Variants in DMD observed in about 807,000 individuals in gnomAD.
The protein encoded by DMD is mutant dystrophin.
Under a neutral mutation model 330.1 loss-of-function variants are expected in DMD, and 63 were observed. The observed-to-expected ratio is 0.19, with a 90% confidence interval of 0.16 to 0.24. The LOEUF (loss-of-function observed/expected upper bound fraction) is 0.24. Ranked by LOEUF, DMD falls within the 10% of genes least tolerant of loss-of-function variation. DMD has a pLI of 1.00. For synonymous variants in DMD, 1,223 were observed against 959.8 expected (o/e 1.27, Z -5.07); for missense variants, 3,344 against 2,684.1 (o/e 1.25, Z -5.43).
chrX:31,399,447 TG>T (rs1275534940), intron 60 of DMD, among the ~76,000 whole-genome samples: 1 of 45,087 alleles, frequency 2.2e-5, no homozygotes, highest in Non-Finnish European at 3.9e-5. Context: ...GGGGGGTGGG[TG>T]GGGGGTAATG....
intron 13 of DMD, among the ~76,000 whole-genome samples, chrX:32,594,553 C>G (rs1477412657): frequency 9.0e-6 from 1 of 111,420 alleles, no homozygotes; most frequent in African/African-American, 3.3e-5. Flanking sequence ...CTTCTAATTA[C>G]GTCTACCAGA....
At chrX:32,006,029 G>A (rs1461807689) in intron 44 of DMD, among the ~76,000 whole-genome samples, 1 of 111,226 alleles carries the variant, frequency 9.0e-6, no homozygotes, top group Non-Finnish European at 1.9e-5. Flanking sequence ...GACGGTGGGT[G>A]GGGTGCAGGT....
intron 54 of DMD, among the ~76,000 whole-genome samples, chrX:31,649,961 A>C (rs2080351254): frequency 9.1e-6 from 1 of 109,853 alleles, no homozygotes; most frequent in South Asian, 3.9e-4. Context: ...CTTTAAATTT[A>C]ATTTAATTTT....
intron 1 of DMD, among the ~76,000 whole-genome samples, chrX:33,082,269 A>G (rs1178777228): frequency 8.9e-6 from 1 of 112,174 alleles, no homozygotes; most frequent in Non-Finnish European, 1.9e-5. Flanking sequence ...AAATTCTTTT[A>G]GATCTCTTAT....
chrX:31,909,123 T>G (rs1357551599), intron 47 of DMD, among the ~76,000 whole-genome samples: 1 of 112,411 alleles, frequency 8.9e-6, no homozygotes, highest in Non-Finnish European at 1.9e-5. Context: ...TATTGGTTGG[T>G]TATCTTTTCC....
intron 7 of DMD, among the ~76,000 whole-genome samples, chrX:32,748,190 C>T (rs1465716201): frequency 9.2e-6 from 1 of 108,371 alleles, no homozygotes; most frequent in Admixed American, 9.9e-5. Context: ...TAAAAATACA[C>T]GAATTAGCCA....
chrX:32,918,781 C>T (rs998284865), intron 2 of DMD, among the ~76,000 whole-genome samples: 4 of 112,312 alleles, frequency 3.6e-5, no homozygotes, highest in African/African-American at 9.7e-5. Flanking sequence ...ATTCAATGTC[C>T]TGGCCCTTGA....
At chrX:32,205,962 G>T (rs111566311) in intron 44 of DMD, 6 of 408,201 alleles carry the variant, frequency 1.5e-5, no homozygotes, top group African/African-American at 1.2e-4. Flanking sequence ...ACTAAAGGCC[G>T]ACAAAGATGA....
rs182475374 is a variant in DMD, at chrX:32,399,420, A to T, written c.4234-9239T>A. ...ACTAATAATCTGATTAAAAATGGGCAAAATATCTGAATAGACTTTTTTTTG... is the reference window on the plus strand; with the variant it reads ...ACTAATAATCTGATTAAAAATGGGCTAAATATCTGAATAGACTTTTTTTTG... On this transcript the variant is annotated intron_variant, in intron 30 of 78. Transcript: ENST00000357033. Among the ~76,000 whole-genome samples the T allele has an allele frequency of 2.9e-3, 327 of 112,026 alleles. 2 individuals carry two copies. Among genetic ancestry groups the T allele is most frequent in the African/African-American group, 0.01 (320 of 30,899 alleles).
chrX:31,502,042 A>G (rs2070454952), intron 56 of DMD, among the ~76,000 whole-genome samples: 1 of 111,332 alleles, frequency 9.0e-6, no homozygotes, highest in Non-Finnish European at 1.9e-5. Flanking sequence ...TCTTCAACAA[A>G]TGGTGCGGAA....
rs1444427197 is a variant in DMD at position 31,121,941 on chromosome X, A to AAGAG, written c.11047-15_11047-12dup. The AAGAG allele has an allele frequency of 8.8e-7, 1 of 1,138,891 alleles. No homozygotes were observed. Among genetic ancestry groups the AAGAG allele is most frequent in the Non-Finnish European group, 1.2e-6 (1 of 830,413 alleles). The allele number at this position is 1,138,891 out of a possible 1,213,427, so 93.9% of individuals were successfully genotyped here. A position where few individuals can be genotyped will look rare whatever the true frequency, so the allele number is the denominator to read the frequency against. On this transcript the variant is annotated splice_polypyrimidine_tract_variant and intron_variant, in intron 78 of 78. Transcript: ENST00000357033. ...TTCCTACATTGTGTCCTGGAAAACA[A>AAGAG]AGAGAAAGAAAGACAGACTTTACAA...
chrX:31,348,527 T>C (rs989732914), intron 61 of DMD, 29 bp downstream of exon 61: 1 of 1,163,021 alleles, frequency 8.6e-7, no homozygotes, highest in African/African-American at 1.8e-5. Flanking sequence ...TGCAATAAAG[T>C]TAAGTGATAA....
rs747871149 is a variant in DMD at position 31,121,456 on chromosome X, GTGTT to G, written c.*459_*462del. On this transcript the variant is annotated 3_prime_UTR_variant, in exon 79 of 79. Transcript: ENST00000357033. Reference sequence around the variant, plus strand: ...TGTGTGTGTGTATGTGTGTGTGTGTGTGTTTGTTTTGTTTTTAGGGGTTTTTATA... The same window carrying G: ...TGTGTGTGTGTATGTGTGTGTGTGTGTGTTTTGTTTTTAGGGGTTTTTATA... 3.1e-5 allele frequency: 5 copies of G among 163,523 alleles called. No individual in the cohort carries two copies. Among genetic ancestry groups the G allele is most frequent in the African/African-American group, 9.7e-5 (3 of 30,870 alleles). 13.5% of individuals were successfully genotyped at this position (163,523 alleles called of 1,213,427 possible).
chrX:32,070,586 T>C (rs1415351837), intron 44 of DMD, among the ~76,000 whole-genome samples: 1 of 111,230 alleles, frequency 9.0e-6, no homozygotes, highest in African/African-American at 3.3e-5. Context: ...CTGCGGTATA[T>C]ATACATATGT....
chrX:33,275,417 G>A lies in DMD; in HGVS notation c.7+63842C>T, dbSNP rs1469692408. On this transcript the variant is annotated intron_variant, in intron 1 of 17. Coordinates refer to the DMD transcript ENST00000288447. ...GGGCAGAAAATGTGGGATTTTGTGA[G>A]GAATAGAATTAATACTAAGCAAAAG... Among the ~76,000 whole-genome samples, 4 of 111,753 alleles carry A rather than the reference G, an allele frequency of 3.6e-5. No homozygotes were observed. The East Asian group carries it at 1.1e-3, about 31-fold the overall frequency.
intron 17 of DMD, among the ~76,000 whole-genome samples, chrX:32,532,738 AG>A (rs1262210608): frequency 1.8e-5 from 2 of 112,448 alleles, no homozygotes; most frequent in Non-Finnish European, 3.8e-5. Context: ...GTGTGAGAGT[AG>A]TCATATTTGT....
chrX:33,229,331 A>G (rs1239713470), intron 1 of DMD, among the ~76,000 whole-genome samples: 1 of 111,303 alleles, frequency 9.0e-6, no homozygotes, highest in African/African-American at 3.3e-5. Flanking sequence ...TTGTAGTTTT[A>G]TGTTTTATAT....
At chrX:31,434,363 T>C (rs2064308758) in intron 60 of DMD, among the ~76,000 whole-genome samples, 1 of 107,142 alleles carries the variant, frequency 9.3e-6, no homozygotes, top group South Asian at 4.3e-4. Flanking sequence ...TCACTTTTAT[T>C]GGGAGGGTGT....
intron 9 of DMD, among the ~76,000 whole-genome samples, chrX:32,666,790 G>A (rs2061330242): frequency 9.6e-6 from 1 of 103,726 alleles, no homozygotes; most frequent in Non-Finnish European, 2.0e-5. Context: ...TTGGGTCAAT[G>A]AACTCTAACC....
Sources: gnomAD v4.1 joint callset for allele counts (sites outside exome capture counted in the v4.1 genomes callset) on GRCh38, gnomAD v4.1.1 for gene constraint, MANE v1.5 for transcripts, NCBI Gene and HGNC (gene_info 2026-07-23, HGNC 2026-07-21) for gene names.